Variants in FAM107A observed in about 807,000 individuals in gnomAD.
FAM107A encodes the protein family with sequence similarity 107 member A.
Under a neutral mutation model 13.7 loss-of-function variants are expected in FAM107A, and 19 were observed. That is an observed-to-expected ratio of 1.38 (90% CI 0.97 to 2.03). The LOEUF (loss-of-function observed/expected upper bound fraction) is 2.03, where lower values mean the gene tolerates loss of function less well. Among genes scored for constraint, FAM107A ranks in the 30% most tolerant of loss-of-function variants. The pLI is 0.00. For synonymous variants in FAM107A, 82 were observed against 74.5 expected (o/e 1.10, Z -0.52); for missense variants, 203 against 184.4 (o/e 1.10, Z -0.58).
chr3:58,569,849 C>T lies in FAM107A; in HGVS notation c.12G>A (p.Glu4=). 3 of 1,614,020 alleles carry T rather than the reference C, an allele frequency of 1.9e-6. No individual in the cohort carries two copies. Among genetic ancestry groups the T allele is most frequent in the Non-Finnish European group, 2.5e-6 (3 of 1,179,958 alleles). Residue 4 remains glutamate (E), a synonymous_variant, in exon 2 of 4, where the codon GAG becomes GAA. Transcript: ENST00000360997. The surrounding 1 kb of genome is among the most constrained non-coding windows in gnomAD (Gnocchi z 5.7). ...CAATGTCTGCCCGCTCCCTCTGGAT[C>T]TCCGAGTACATGGCGGCTGTAGAGA... is the stretch of plus-strand genomic sequence containing the variant. MYS[E]IQRERADIGG...
At chr3:58,623,487 G>A (rs2065978543) in intron 1 of FAM107A, among the ~76,000 whole-genome samples, 1 of 152,216 alleles carries the variant, frequency 6.6e-6, no homozygotes, top group Non-Finnish European at 1.5e-5. Context: ...GCCATTCCCT[G>A]AGCACCCACT....
chr3:58,610,379 C>T (rs769296584), intron 1 of FAM107A, among the ~76,000 whole-genome samples: 10 of 152,116 alleles, frequency 6.6e-5, no homozygotes, highest in East Asian at 1.9e-4. Context: ...GCAGGGATGA[C>T]GAAGGCCCTG....
chr3:58,591,856 G>A (rs1180700800), upstream of FAM107A, among the ~76,000 whole-genome samples: 2 of 152,194 alleles, frequency 1.3e-5, no homozygotes, highest in East Asian at 1.9e-4. The surrounding 1 kb of genome is among the most constrained non-coding windows in gnomAD (Gnocchi z 4.3). Context: ...GCTTGGAGTG[G>A]ACATTCAATA....
In FAM107A at chr3:58,569,763, T is replaced by C; in HGVS notation, c.98A>G (p.Lys33Arg). Residue 33 changes from lysine to arginine, a missense_variant, in exon 2 of 4, where the codon AAG becomes AGG. Physicochemically the swap from Lys to Arg is conservative, Grantham distance 26. Coordinates refer to ENST00000360997, the MANE Select transcript of FAM107A (RefSeq NM_001076778.3). The surrounding 1 kb of genome is among the most constrained non-coding windows in gnomAD (Gnocchi z 5.7). Reference sequence around the variant, plus strand: ...AGAGGCCTTCACGGGGTTCAGCAGCTTCTTGGGCTTGATGAGCTCCGGATT... The same window carrying C: ...AGAGGCCTTCACGGGGTTCAGCAGCCTCTTGGGCTTGATGAGCTCCGGATT... ...EWNPELIKPKKLLNPVKASRS... is the reference protein window; with the variant it reads ...EWNPELIKPKRLLNPVKASRS... 6.2e-7 allele frequency: 1 copy of C among 1,614,148 alleles called. No individual in the cohort carries two copies. Among genetic ancestry groups the C allele is most frequent in the South Asian group, 1.1e-5 (1 of 91,084 alleles).
At chr3:58,574,692 G>A (rs536277925) in intron 1 of FAM107A, among the ~76,000 whole-genome samples, 1 of 152,326 alleles carries the variant, frequency 6.6e-6, no homozygotes, top group African/African-American at 2.4e-5. Context: ...TTCTCAATAT[G>A]CAGTTTATGG....
At chr3:58,619,885 G>A (rs1198685460) in intron 1 of FAM107A, among the ~76,000 whole-genome samples, 1 of 152,180 alleles carries the variant, frequency 6.6e-6, no homozygotes, top group Non-Finnish European at 1.5e-5. Flanking sequence ...GGGAGGTGGA[G>A]GCAGGGTGGG....
intron 1 of FAM107A, among the ~76,000 whole-genome samples, chr3:58,600,232 C>T (rs2065742660): frequency 6.6e-6 from 1 of 152,206 alleles, no homozygotes; most frequent in African/African-American, 2.4e-5. Flanking sequence ...TAGATGCTCT[C>T]GAATCCTCAC....
intron 1 of FAM107A, among the ~76,000 whole-genome samples, chr3:58,601,887 G>A (rs2065755535): frequency 6.6e-6 from 1 of 152,182 alleles, no homozygotes; most frequent in African/African-American, 2.4e-5. Context: ...AGCAGATCTG[G>A]TTTTCAAAGT....
chr3:58,596,049 AC>A (rs1350919937), intron 1 of FAM107A, among the ~76,000 whole-genome samples: 2 of 152,250 alleles, frequency 1.3e-5, no homozygotes, highest in Non-Finnish European at 2.9e-5. Context: ...TGTGTAATGT[AC>A]AATATGCCCC....
intron 1 of FAM107A, among the ~76,000 whole-genome samples, chr3:58,602,789 A>G (rs1290023926): frequency 6.6e-6 from 1 of 152,244 alleles, no homozygotes; most frequent in African/African-American, 2.4e-5. Flanking sequence ...ATGTAGTATT[A>G]CTTATATCAA....
chr3:58,612,167 C>T (rs746043517), intron 1 of FAM107A, among the ~76,000 whole-genome samples: 7 of 151,950 alleles, frequency 4.6e-5, no homozygotes, highest in African/African-American at 7.3e-5. Flanking sequence ...ATAAAGGATG[C>T]GCACCAAAAT....
intron 1 of FAM107A, among the ~76,000 whole-genome samples, chr3:58,572,321 A>G (rs1264711561): frequency 6.6e-6 from 1 of 152,154 alleles, no homozygotes; most frequent in Non-Finnish European, 1.5e-5. Context: ...ACACAAGCCA[A>G]TGAAAACGAA....
In FAM107A at chr3:58,623,036, C is replaced by T. The variant is rs115708580; in HGVS notation, c.-70+4380G>A. On this transcript the variant is annotated intron_variant, in intron 1 of 3. Coordinates refer to the FAM107A transcript ENST00000465970. ...GGTCCTCACACGTCACTGAGCTGGG[C>T]GCAATGAGCTGGAATCCTCTGCTGG... Among the ~76,000 whole-genome samples, 204 of 152,154 alleles carry T rather than the reference C, an allele frequency of 1.3e-3. 2 individuals carry two copies. Among genetic ancestry groups the T allele is most frequent in the Non-Finnish European group, 2.0e-3 (138 of 68,016 alleles).
At chr3:58,615,254 T>C (rs79839896) in intron 1 of FAM107A, among the ~76,000 whole-genome samples, 21,397 of 152,238 alleles carry the variant, frequency 0.14, 2,109 homozygotes, top group African/African-American at 0.28. Context: ...CTTATTTTAA[T>C]TTTTTCATGA....
upstream of FAM107A, among the ~76,000 whole-genome samples, chr3:58,587,517 GT>G (rs1420850576): frequency 6.4e-5 from 9 of 141,450 alleles, no homozygotes; most frequent in South Asian, 1.2e-3. Context: ...GTGTGTGTGT[GT>G]GGCCCAGAAC....
intron 2 of FAM107A, 119 bp from the exon 3 acceptor site, chr3:58,567,483 G>A: frequency 8.9e-7 from 1 of 1,128,174 alleles, no homozygotes; most frequent in Non-Finnish European, 1.2e-6. Context: ...CCTCCCTGTA[G>A]CCTTGGAGGT....
chr3:58,613,089 T>A lies in FAM107A; in HGVS notation c.-70+14327A>T, dbSNP rs935154146. Among the ~76,000 whole-genome samples the A allele has an allele frequency of 5.3e-5, 8 of 152,192 alleles. No homozygotes were observed. The highest frequency in any genetic ancestry group is 1.7e-4 in the African/African-American group (7 of 41,438). On this transcript the variant is annotated intron_variant, in intron 1 of 3. Transcript: ENST00000465970. The surrounding 1 kb of genome is among the most constrained non-coding windows in gnomAD (Gnocchi z 4.6). ...GGTGATGATGGTCGGCAGCTCCATA[T>A]CGCCAGCCGTGACTCTGCCCTGAAA...
chr3:58,586,008 C>T (rs2065601993), intron 1 of FAM107A, among the ~76,000 whole-genome samples: 1 of 152,210 alleles, frequency 6.6e-6, no homozygotes, highest in African/African-American at 2.4e-5. Flanking sequence ...AGAAATGAAA[C>T]CACCCAGTGT....
At chr3:58,616,526 A>AACAC (rs59230021) in intron 1 of FAM107A, among the ~76,000 whole-genome samples, 25,270 of 137,556 alleles carry the variant, frequency 0.18, 2,398 homozygotes, top group East Asian at 0.28. Flanking sequence ...ATAAGAGGAG[A>AACAC]ACACACACAC....
Sources: allele counts gnomAD v4.1 joint callset (sites outside exome capture counted in the v4.1 genomes callset), GRCh38; gene constraint gnomAD v4.1.1; non-coding constraint Gnocchi (gnomAD v3.1); transcripts MANE v1.5; gene names NCBI Gene and HGNC (gene_info 2026-07-23, HGNC 2026-07-21).